FSIP1: variants seen among roughly 807,000 people sequenced by gnomAD.
The protein encoded by FSIP1 is fibrous sheath-interacting protein 1.
A neutral mutation model predicts 60.9 loss-of-function variants in FSIP1; 65 were observed. The observed-to-expected ratio is 1.07, with a 90% CI of 0.87 to 1.31. FSIP1 has a LOEUF of 1.31. Ranked by LOEUF, FSIP1 falls within the 40% of genes most tolerant of loss-of-function variation. The pLI is 0.00. For missense variants in FSIP1, 675 were observed against 665.5 expected, an observed-to-expected ratio of 1.01 and a Z score of -0.16; for synonymous variants, 209 against 221.2, an observed-to-expected ratio of 0.94 and a Z score of 0.49.
At chr15:39,675,473 A>G (rs1445661985) in intron 10 of FSIP1, among the ~76,000 whole-genome samples, 1 of 152,170 alleles carries the variant, frequency 6.6e-6, no homozygotes, top group African/African-American at 2.4e-5. Context: ...TGCAGAAATA[A>G]ATTTAGGTAC....
chr15:39,720,052 AAAATCCT>A (rs927891209), intron 9 of FSIP1, among the ~76,000 whole-genome samples: 6 of 152,208 alleles, frequency 3.9e-5, no homozygotes, highest in Non-Finnish European at 8.8e-5. Flanking sequence ...ATACATTTAA[AAAATCCT>A]AAATTCCTGC....
At position 39,763,916 on chromosome 15, in the gene FSIP1, T is replaced by C; in HGVS notation, c.466-2A>G. 1 of 1,501,242 alleles carries C rather than the reference T, an allele frequency of 6.7e-7. No individual in the cohort carries two copies. The highest frequency in any genetic ancestry group is 1.4e-5 in the African/African-American group (1 of 71,854). The allele number at this position is 1,501,242 out of a possible 1,614,324, so 93.0% of individuals were successfully genotyped here. A position where few individuals can be genotyped will look rare whatever the true frequency, so the allele number is the denominator to read the frequency against. On this transcript the variant is annotated splice_acceptor_variant, in intron 4 of 11. Coordinates refer to ENST00000350221, the MANE Select transcript of FSIP1 (RefSeq NM_152597.5). LOFTEE classifies it high-confidence loss of function. ...CCAAGCTTCACTATATTTTGCAGAC[T>C]AATGAAAGGAAAATTAAAATTTAAA...
intron 5 of FSIP1, among the ~76,000 whole-genome samples, chr15:39,744,637 CA>C (rs1679405186): frequency 2.0e-5 from 3 of 152,118 alleles, no homozygotes; most frequent in Non-Finnish European, 2.9e-5. Flanking sequence ...AGACCCCGCA[CA>C]AAGGAACATG....
intron 10 of FSIP1, among the ~76,000 whole-genome samples, chr15:39,649,767 C>A (rs1892790230): frequency 6.6e-6 from 1 of 152,220 alleles, no homozygotes; most frequent in South Asian, 2.1e-4. Flanking sequence ...CTCAGCTTGA[C>A]CCTCTCTAAT....
chr15:39,723,030 T>C (rs1400868093), intron 9 of FSIP1, among the ~76,000 whole-genome samples: 1 of 152,216 alleles, frequency 6.6e-6, no homozygotes, highest in Non-Finnish European at 1.5e-5. Flanking sequence ...ATAAGTTCTT[T>C]ATATCACTTA....
chr15:39,770,579 T>C lies in FSIP1; in HGVS notation c.158A>G (p.Lys53Arg). The C allele has an allele frequency of 6.4e-7, 1 of 1,563,054 alleles. No homozygotes were observed. The highest frequency in any genetic ancestry group is 8.6e-7 in the Non-Finnish European group (1 of 1,159,648). ...VDTASNLNSG[K>R]EDHSESSNTE... ...ATTACTGCTTTCGGAGTGGTCCTCT[T>C]TACCAGAGTTCAAGTTGCTTGCAGT... is the stretch of plus-strand genomic sequence containing the variant. Residue 53 changes from lysine to arginine, a missense_variant, in exon 3 of 12, where the codon AAA becomes AGA. Lys to Arg is a conservative substitution (Grantham distance 26). Transcript: ENST00000350221.
intron 10 of FSIP1, among the ~76,000 whole-genome samples, chr15:39,639,096 C>A (rs1809632883): frequency 6.6e-6 from 1 of 152,080 alleles, no homozygotes; most frequent in African/African-American, 2.4e-5. Context: ...GAAAAAAGAG[C>A]AAATGGCTTT....
intron 5 of FSIP1, among the ~76,000 whole-genome samples, chr15:39,756,947 C>T (rs1236501652): frequency 1.3e-5 from 2 of 152,020 alleles, no homozygotes; most frequent in African/African-American, 4.8e-5. Context: ...AGAGCAGTCA[C>T]ATGACTCCAG....
intron 11 of FSIP1, among the ~76,000 whole-genome samples, chr15:39,609,552 C>T (rs1385275906): frequency 6.6e-6 from 1 of 152,186 alleles, no homozygotes; most frequent in African/African-American, 2.4e-5. Context: ...CATGGTGACC[C>T]CACAAAGCCT....
At chr15:39,609,591 G>A (rs1890951500) in intron 11 of FSIP1, among the ~76,000 whole-genome samples, 1 of 152,164 alleles carries the variant, frequency 6.6e-6, no homozygotes, top group Non-Finnish European at 1.5e-5. Flanking sequence ...TTCCCTGAGG[G>A]AAGCCTGCAT....
intron 10 of FSIP1, among the ~76,000 whole-genome samples, chr15:39,674,908 C>A (rs1268700295): frequency 1.3e-5 from 2 of 151,984 alleles, no homozygotes; most frequent in Non-Finnish European, 2.9e-5. Context: ...AAAAAAGCTA[C>A]AAACTGGGAG....
chr15:39,666,530 G>A (rs1893500710), intron 10 of FSIP1, among the ~76,000 whole-genome samples: 1 of 152,106 alleles, frequency 6.6e-6, no homozygotes, highest in African/African-American at 2.4e-5. Flanking sequence ...TATTCATATG[G>A]AAAGCTTCAT....
intron 9 of FSIP1, among the ~76,000 whole-genome samples, chr15:39,718,298 A>G (rs944524070): frequency 3.4e-5 from 5 of 148,358 alleles, no homozygotes; most frequent in Admixed American, 2.0e-4. Flanking sequence ...AATTATATAC[A>G]TATATATGTG....
intron 5 of FSIP1, among the ~76,000 whole-genome samples, chr15:39,753,113 T>C (rs1897211234): frequency 6.6e-6 from 1 of 152,106 alleles, no homozygotes; most frequent in Non-Finnish European, 1.5e-5. Context: ...ATGGATGCAT[T>C]GCCAAAATTG....
chr15:39,746,210 G>A (rs895491162), intron 5 of FSIP1, among the ~76,000 whole-genome samples: 9 of 152,100 alleles, frequency 5.9e-5, no homozygotes, highest in Admixed American at 5.2e-4. Context: ...GATAGAAAGG[G>A]AAAGAGAAAA....
intron 5 of FSIP1, among the ~76,000 whole-genome samples, chr15:39,755,226 C>G (rs374810186): frequency 6.6e-6 from 1 of 151,626 alleles, no homozygotes. Flanking sequence ...AATGGAATGA[C>G]GAACAAACCA....
intron 10 of FSIP1, among the ~76,000 whole-genome samples, chr15:39,641,208 C>A (rs1194385186): frequency 2.6e-5 from 4 of 152,074 alleles, no homozygotes; most frequent in African/African-American, 7.2e-5. Flanking sequence ...TTTTTCTATG[C>A]CTAATTCAAA....
rs764084930 is a variant in FSIP1, at chr15:39,754,543, TA to T, written c.559+9277del. Reference sequence around the variant, plus strand: ...AGACCAAACCATTTAATAATGGGGATAAAAAAAAAACAGGTCAGATACAGAT... The same window carrying T: ...AGACCAAACCATTTAATAATGGGGATAAAAAAAAACAGGTCAGATACAGAT... On this transcript the variant is annotated intron_variant, in intron 5 of 11. Coordinates refer to ENST00000350221, the MANE Select transcript of FSIP1 (RefSeq NM_152597.5). Among the ~76,000 whole-genome samples the T allele has an allele frequency of 2.5e-3, 363 of 146,536 alleles. 1 individual carries two copies. Among genetic ancestry groups the T allele is most frequent in the Non-Finnish European group, 2.9e-3 (194 of 66,094 alleles).
At chr15:39,728,671 C>T (rs747076452) in intron 8 of FSIP1, among the ~76,000 whole-genome samples, 8 of 152,098 alleles carry the variant, frequency 5.3e-5, no homozygotes, top group Non-Finnish European at 1.0e-4. Flanking sequence ...TAGAAGATAA[C>T]CTAGGAAATA....
Sources: gnomAD v4.1 joint callset for allele counts (sites outside exome capture counted in the v4.1 genomes callset) on GRCh38, gnomAD v4.1.1 for gene constraint, MANE v1.5 for transcripts, NCBI Gene and HGNC (gene_info 2026-07-23, HGNC 2026-07-21) for gene names.